ZNF385D: variants seen among roughly 807,000 people sequenced by gnomAD.
The protein encoded by ZNF385D is zinc finger protein 659.
ZNF385D carries 15 observed loss-of-function variants against 35.8 expected under a neutral mutation model. The ratio of observed to expected loss-of-function variants is 0.42; its 90% CI spans 0.28 to 0.64. The LOEUF is 0.64. Among genes scored for constraint, ZNF385D ranks in the 30% least tolerant of loss-of-function variants. ZNF385D has a pLI of 0.23. For missense variants in ZNF385D, 474 were observed against 494.6 expected (o/e 0.96, Z 0.39); for synonymous variants, 212 against 186.8 (o/e 1.13, Z -1.10).
chr3:21,849,605 C>CTTTTTTTTTTTTTTTTTTTT (rs3073866), intron 3 of ZNF385D: 1 of 108,202 alleles, frequency 9.2e-6, no homozygotes. Flanking sequence ...AAACCCATTT[C>CTTTTTTTTTTTTTTTTTTTT]TTTTTTTTTT....
chr3:21,906,225 A>G (rs948210788), intron 3 of ZNF385D, among the ~76,000 whole-genome samples: 1 of 152,150 alleles, frequency 6.6e-6, no homozygotes, highest in African/African-American at 2.4e-5. Context: ...AATCTGCTGA[A>G]ATGTCATTAT....
At position 21,429,687 on chromosome 3, in the gene ZNF385D, T is replaced by A. The variant is rs144794600; in HGVS notation, c.674-4017A>T. 5.3e-3 allele frequency among the ~76,000 whole-genome samples: 813 copies of A among 152,220 alleles called. 19 individuals are homozygous for A. Among genetic ancestry groups the A allele is most frequent in the East Asian group, 0.015 (80 of 5,178 alleles). ...CAGAGGGGTTTACTTTATAGGGAAA[T>A]CTAGTTGGTATAGTCTGAAAAAGTT... is the stretch of plus-strand genomic sequence containing the variant. On this transcript the variant is annotated intron_variant, in intron 5 of 7. Coordinates refer to ENST00000281523, the MANE Select transcript of ZNF385D (RefSeq NM_024697.3).
intron 3 of ZNF385D, among the ~76,000 whole-genome samples, chr3:22,080,396 G>A (rs887213657): frequency 6.6e-6 from 1 of 151,984 alleles, no homozygotes; most frequent in African/African-American, 2.4e-5. Context: ...TTTAGAGAAA[G>A]CAATGTTCAT....
intron 3 of ZNF385D, among the ~76,000 whole-genome samples, chr3:21,874,294 T>C (rs1198606010): frequency 6.6e-6 from 1 of 152,126 alleles, no homozygotes; most frequent in Admixed American, 6.6e-5. Flanking sequence ...AATTTGTATG[T>C]CTTCTTTGGA....
chr3:21,802,955 G>A lies in ZNF385D; in HGVS notation c.326-137927C>T, dbSNP rs535810165. On this transcript the variant is annotated intron_variant, in intron 3 of 5. Coordinates refer to the ZNF385D transcript ENST00000494108. ...GTTGGGAAGTAGGACAAGGAATGGG[G>A]AGAAGAGAAGAACGAGTGGAAATTT... is the stretch of plus-strand genomic sequence containing the variant. Among the ~76,000 whole-genome samples the A allele has an allele frequency of 2.0e-5, 3 of 152,318 alleles. No homozygotes were observed. The East Asian group carries it at 5.8e-4, about 29-fold the overall frequency.
chr3:22,183,595 A>G (rs1449490048), intron 2 of ZNF385D, among the ~76,000 whole-genome samples: 2 of 152,076 alleles, frequency 1.3e-5, no homozygotes, highest in Non-Finnish European at 2.9e-5. Context: ...TGACCTCGTG[A>G]TTCACCCGCC....
chr3:21,723,922 G>A (rs1002292189), intron 1 of ZNF385D, among the ~76,000 whole-genome samples: 14 of 152,124 alleles, frequency 9.2e-5, no homozygotes, highest in Non-Finnish European at 1.9e-4. Context: ...TACCCACAAA[G>A]GGAAGCCCAT....
chr3:21,696,231 C>G (rs186892654), intron 1 of ZNF385D, among the ~76,000 whole-genome samples: 8 of 152,142 alleles, frequency 5.3e-5, no homozygotes, highest in Non-Finnish European at 2.9e-5. Context: ...AGTTTGAACA[C>G]GGACTTTGGA....
chr3:22,017,115 T>C (rs1696941336), intron 3 of ZNF385D, among the ~76,000 whole-genome samples: 1 of 152,090 alleles, frequency 6.6e-6, no homozygotes, highest in Non-Finnish European at 1.5e-5. Flanking sequence ...AGTCAGATTT[T>C]ATATAGGTTA....
chr3:21,978,417 T>G (rs1481246082), intron 3 of ZNF385D: 1 of 152,236 alleles, frequency 6.6e-6, no homozygotes, highest in African/African-American at 2.4e-5. Context: ...TTTTAATTTA[T>G]TTATTTTTGC....
At chr3:22,006,702 T>C (rs2125426384) in intron 3 of ZNF385D, among the ~76,000 whole-genome samples, 1 of 152,132 alleles carries the variant, frequency 6.6e-6, no homozygotes, top group South Asian at 2.1e-4. Flanking sequence ...GCATATTACA[T>C]TTGCTGAGAA....
intron 3 of ZNF385D, among the ~76,000 whole-genome samples, chr3:21,797,495 C>T (rs1426242474): frequency 6.6e-6 from 1 of 152,132 alleles, no homozygotes; most frequent in African/African-American, 2.4e-5. Flanking sequence ...GATATCTACC[C>T]AAAGGAGTTG....
intron 3 of ZNF385D, among the ~76,000 whole-genome samples, chr3:22,139,439 A>C (rs1704356633): frequency 1.3e-5 from 2 of 152,244 alleles, no homozygotes; most frequent in East Asian, 3.9e-4. Flanking sequence ...GCAGCCATAA[A>C]AAACGATGAG....
At chr3:22,147,376 C>T (rs1183250558) in intron 3 of ZNF385D, among the ~76,000 whole-genome samples, 1 of 152,066 alleles carries the variant, frequency 6.6e-6, no homozygotes, top group Non-Finnish European at 1.5e-5. Flanking sequence ...TGCTTTCGGG[C>T]CATGGGAATT....
At position 22,070,337 on chromosome 3, in the gene ZNF385D, T is replaced by A. The variant is rs185342167; in HGVS notation, c.325+98480A>T. Among the ~76,000 whole-genome samples, 199 of 152,282 alleles carry A rather than the reference T, an allele frequency of 1.3e-3. 1 individual carries two copies. The highest frequency in any genetic ancestry group is 4.7e-3 in the African/African-American group (194 of 41,570). On this transcript the variant is annotated intron_variant, in intron 3 of 5. Transcript: ENST00000494108. ...ATATACATGAAAGGAAAGCAATATA[T>A]ACTACAGAGAAACGGATGCCTATGA...
chr3:21,495,807 C>T (rs187148896), intron 4 of ZNF385D, among the ~76,000 whole-genome samples: 1 of 151,728 alleles, frequency 6.6e-6, no homozygotes, highest in Admixed American at 6.6e-5. Context: ...ACTAGCTAGA[C>T]TAAGAAAGAA....
chr3:21,764,698 G>A (rs1284615731), intron 3 of ZNF385D, among the ~76,000 whole-genome samples: 1 of 152,142 alleles, frequency 6.6e-6, no homozygotes, highest in East Asian at 1.9e-4. Context: ...TTGAGTGTTT[G>A]ACAATTGACC....
chr3:21,860,289 A>T (rs1696977347), intron 3 of ZNF385D, among the ~76,000 whole-genome samples: 1 of 152,154 alleles, frequency 6.6e-6, no homozygotes, highest in South Asian at 2.1e-4. Context: ...AATTCAAAAC[A>T]GTCATCTGTA....
rs188303669 is a variant in ZNF385D at position 22,081,120 on chromosome 3, C to T, written c.325+87697G>A. ...AACCATATCTTACACCTCTTAATGT[C>T]TCCTATATCCACTACATTTCTCTAC... On this transcript the variant is annotated intron_variant, in intron 3 of 5. Transcript: ENST00000494108. Among the ~76,000 whole-genome samples, 116 of 152,278 alleles carry T rather than the reference C, an allele frequency of 7.6e-4. 1 individual carries two copies. Among genetic ancestry groups the T allele is most frequent in the African/African-American group, 2.6e-3 (108 of 41,578 alleles).
Sources: allele counts gnomAD v4.1 joint callset (sites outside exome capture counted in the v4.1 genomes callset), GRCh38; gene constraint gnomAD v4.1.1; transcripts MANE v1.5; gene names NCBI Gene and HGNC (gene_info 2026-07-23, HGNC 2026-07-21).